CEP170: variants seen among roughly 807,000 people sequenced by gnomAD.
CEP170 encodes centrosomal protein 170, also known as centrosomal protein of 170 kDa.
In CEP170, 21 loss-of-function variants were observed where a neutral mutation model predicts 151.9. That is an observed-to-expected ratio of 0.14 (90% CI 0.10 to 0.20). The LOEUF is 0.20. Ranked by LOEUF, CEP170 falls within the 10% of genes least tolerant of loss-of-function variation. CEP170 has a pLI of 1.00. For missense variants in CEP170, 964 were observed against 1,892.9 expected, an observed-to-expected ratio of 0.51 and a Z score of 9.11; for synonymous variants, 356 against 648.8, an observed-to-expected ratio of 0.55 and a Z score of 6.86.
chr1:243,156,040 T>C (rs2057518475), intron 14 of CEP170, among the ~76,000 whole-genome samples, 181 bp downstream of exon 14: 1 of 151,642 alleles, frequency 6.6e-6, no homozygotes, highest in African/African-American at 2.4e-5. Flanking sequence ...GGTATAGGCA[T>C]AGAAAAAAAA....
At chr1:243,170,049 T>C (rs1558491896) in intron 11 of CEP170, among the ~76,000 whole-genome samples, 1 of 151,930 alleles carries the variant, frequency 6.6e-6, no homozygotes, top group Non-Finnish European at 1.5e-5. Flanking sequence ...AAAGCTACGA[T>C]GGAAACTTTA....
At chr1:243,150,639 T>C (rs2148406786) in intron 14 of CEP170, among the ~76,000 whole-genome samples, 1 of 152,256 alleles carries the variant, frequency 6.6e-6, no homozygotes, top group African/African-American at 2.4e-5. Context: ...GTAATGCTGA[T>C]TCTGAAATTC....
intron 3 of CEP170, among the ~76,000 whole-genome samples, chr1:243,219,607 C>T (rs2062612117): frequency 6.6e-6 from 1 of 152,156 alleles, no homozygotes; most frequent in Non-Finnish European, 1.5e-5. Context: ...GACTAAAATG[C>T]TGATGTAATT....
Position 243,140,165 on chromosome 1 carries a change from T to C in CEP170, c.4060-58A>G, listed in dbSNP as rs550367050. 3.8e-5 allele frequency: 59 copies of C among 1,569,346 alleles called. No individual in the cohort carries two copies. In the East Asian group the frequency reaches 1.0e-3, roughly 27 times the overall value. On this transcript the variant is annotated intron_variant, in intron 15 of 19. Coordinates refer to ENST00000366542, the MANE Select transcript of CEP170 (RefSeq NM_014812.3). ...ACAGTAATTTGAAAAAGTACCAATA[T>C]TGGCATTACAATTTTTATGATTAGA...
chr1:243,189,545 G>C (rs2060167716), intron 8 of CEP170, among the ~76,000 whole-genome samples: 1 of 134,790 alleles, frequency 7.4e-6, no homozygotes, highest in South Asian at 2.3e-4. Flanking sequence ...GACAAAGCGA[G>C]ACTCTGTCTC....
intron 12 of CEP170, among the ~76,000 whole-genome samples, chr1:243,167,153 C>T (rs2058498513): frequency 6.6e-6 from 1 of 152,012 alleles, no homozygotes; most frequent in Admixed American, 6.6e-5. Context: ...ATATTTTCAA[C>T]TACATAGTAG....
chr1:243,168,270 C>T (rs2058584300), intron 12 of CEP170: 1 of 151,902 alleles, frequency 6.6e-6, no homozygotes, highest in Non-Finnish European at 1.5e-5. Context: ...CTAATACTTA[C>T]AAAATTCTTA....
At chr1:243,159,523 C>T (rs2057866858) in intron 13 of CEP170, among the ~76,000 whole-genome samples, 1 of 152,164 alleles carries the variant, frequency 6.6e-6, no homozygotes, top group African/African-American at 2.4e-5. Flanking sequence ...CTAATTAACA[C>T]CAAATAAACT....
At position 243,168,115 on chromosome 1, in the gene CEP170, GT is replaced by G. The variant is rs908820995; in HGVS notation, c.1843+1512del. 1.2e-3 allele frequency among the ~76,000 whole-genome samples: 187 copies of G among 151,874 alleles called. 2 individuals are homozygous for G. The highest frequency in any genetic ancestry group is 4.2e-3 in the African/African-American group (174 of 41,500). ...ATCTAGCCTTCTGTCTGGTTTCTTT[GT>G]TTCCTAAACACAGTTTATACGAACC... On this transcript the variant is annotated intron_variant, in intron 12 of 19. Transcript: ENST00000366542.
intron 10 of CEP170, among the ~76,000 whole-genome samples, chr1:243,184,122 T>C (rs2059798598): frequency 6.6e-6 from 1 of 152,110 alleles, no homozygotes; most frequent in African/African-American, 2.4e-5. Context: ...ACAGTAATGA[T>C]AAAGCAACAC....
chr1:243,227,040 C>T (rs1035119210), intron 1 of CEP170, among the ~76,000 whole-genome samples: 1 of 152,132 alleles, frequency 6.6e-6, no homozygotes, highest in African/African-American at 2.4e-5. Flanking sequence ...GATTTTGTAA[C>T]ACCACGTATT....
rs368194804 is a variant in CEP170 at position 243,127,033 on chromosome 1, T to C, written c.4466-295A>G. 9.8e-5 allele frequency among the ~76,000 whole-genome samples: 15 copies of C among 152,328 alleles called. No homozygotes were observed. In the East Asian group the frequency reaches 2.5e-3, roughly 25 times the overall value. ...AGAAAAATCTTGTTGAAATTTGTCT[T>C]CATTATTGTGAGAGGACCGAGAAAA... On this transcript the variant is annotated intron_variant, in intron 19 of 19. Coordinates refer to ENST00000366542, the MANE Select transcript of CEP170 (RefSeq NM_014812.3).
chr1:243,195,994 A>C (rs1005281262), intron 7 of CEP170, among the ~76,000 whole-genome samples: 16 of 152,072 alleles, frequency 1.1e-4, no homozygotes, highest in Non-Finnish European at 1.2e-4. Context: ...AAAGAACCCC[A>C]AGATCATGAG....
intron 1 of CEP170, among the ~76,000 whole-genome samples, chr1:243,228,912 C>T (rs971277072): frequency 2.6e-5 from 4 of 152,122 alleles, no homozygotes; most frequent in African/African-American, 7.2e-5. Flanking sequence ...AAACAAAACA[C>T]ATTAATACTC....
At chr1:243,250,105 A>C (rs1246679676) in intron 1 of CEP170, among the ~76,000 whole-genome samples, 2 of 152,170 alleles carry the variant, frequency 1.3e-5, no homozygotes, top group Non-Finnish European at 2.9e-5. Flanking sequence ...AAAAGGCCCC[A>C]AAAACAAACA....
chr1:243,178,076 C>T (rs558911871), intron 10 of CEP170, among the ~76,000 whole-genome samples: 3 of 152,106 alleles, frequency 2.0e-5, no homozygotes, highest in East Asian at 1.9e-4. Flanking sequence ...GCCTGTAATT[C>T]CAGCACTTTG....
rs368602022 is a variant in CEP170, at chr1:243,164,610, G to T, written c.3350C>A (p.Ala1117Asp). 3.1e-6 allele frequency: 5 copies of T among 1,613,782 alleles called. No individual in the cohort carries two copies. The highest frequency in any genetic ancestry group is 4.2e-6 in the Non-Finnish European group (5 of 1,179,728). Residue 1117 changes from alanine (A) to aspartate (D), a missense_variant, in exon 13 of 20, where the codon GCT becomes GAT. Transcript: ENST00000366542. ...AGCAACAGATGCTTTGTCAGCATCAGCAAGTTCACTGTCTGAAGCTTCACC... is the reference window on the plus strand; with the variant it reads ...AGCAACAGATGCTTTGTCAGCATCATCAAGTTCACTGTCTGAAGCTTCACC... ...RLGEASDSEL[A>D]DADKASVASE... is the part of the protein sequence containing the mutation.
chr1:243,126,405 C>T lies in CEP170; in HGVS notation c.*44G>A. 6.4e-7 allele frequency: 1 copy of T among 1,557,410 alleles called. No homozygotes were observed. Among genetic ancestry groups the T allele is most frequent in the Non-Finnish European group, 8.7e-7 (1 of 1,146,652 alleles). ...CAACACTATGCTGCTTCCAATATTCCTAGCCATTCCACAGGTAATGATTTT... is the reference window on the plus strand; with the variant it reads ...CAACACTATGCTGCTTCCAATATTCTTAGCCATTCCACAGGTAATGATTTT... On this transcript the variant is annotated 3_prime_UTR_variant, in exon 20 of 20. Transcript: ENST00000366542.
At chr1:243,200,463 T>C (rs1444941905) in intron 6 of CEP170, 55 bp downstream of exon 6, 4 of 1,581,424 alleles carry the variant, frequency 2.5e-6, no homozygotes, top group South Asian at 2.3e-5. Flanking sequence ...GAACAAAGCA[T>C]GCAGTGTCTT....
Sources: gnomAD v4.1 joint callset for allele counts (sites outside exome capture counted in the v4.1 genomes callset) on GRCh38, gnomAD v4.1.1 for gene constraint, MANE v1.5 for transcripts, NCBI Gene and HGNC (gene_info 2026-07-23, HGNC 2026-07-21) for gene names.